Variants in NLGN1 observed in about 807,000 individuals in gnomAD.
NLGN1 encodes the protein neuroligin-1.
NLGN1 carries 12 observed loss-of-function variants against 65.5 expected under a neutral mutation model. The ratio of observed to expected loss-of-function variants is 0.18; its 90% CI spans 0.12 to 0.30. The LOEUF is 0.30. Among genes scored for constraint, NLGN1 ranks in the 10% least tolerant of loss-of-function variants. The pLI is 1.00. For missense variants in NLGN1, 750 were observed against 1,007.1 expected, an observed-to-expected ratio of 0.74 and a Z score of 3.46; for synonymous variants, 350 against 359.5, an observed-to-expected ratio of 0.97 and a Z score of 0.30.
At chr3:173,945,226 G>A (rs1226275268) in intron 4 of NLGN1, among the ~76,000 whole-genome samples, 1 of 151,890 alleles carries the variant, frequency 6.6e-6, no homozygotes, top group Non-Finnish European at 1.5e-5. Context: ...TAGAGGGGGT[G>A]GTGGGAACAG....
intron 1 of NLGN1, among the ~76,000 whole-genome samples, chr3:173,407,607 G>T (rs763107159): frequency 5.9e-5 from 9 of 152,146 alleles, no homozygotes; most frequent in African/African-American, 2.2e-4. Context: ...AGTGGAGGAG[G>T]TATTATTTAA....
At chr3:174,048,072 G>A (rs1734010883) in intron 4 of NLGN1, among the ~76,000 whole-genome samples, 1 of 152,054 alleles carries the variant, frequency 6.6e-6, no homozygotes, top group African/African-American at 2.4e-5. Context: ...GGACTTATCT[G>A]TCCTCCATAC....
intron 4 of NLGN1, among the ~76,000 whole-genome samples, chr3:174,163,197 C>A (rs7652593): frequency 0.17 from 26,382 of 151,810 alleles, 4,823 homozygotes; most frequent in African/African-American, 0.46. Flanking sequence ...TCTAAGAATA[C>A]GAGCATCAAC....
intron 4 of NLGN1, among the ~76,000 whole-genome samples, chr3:174,150,214 A>G (rs1393248395): frequency 6.6e-6 from 1 of 152,100 alleles, no homozygotes; most frequent in Non-Finnish European, 1.5e-5. Context: ...AGTGGGCATT[A>G]TTAATATTTT....
intron 4 of NLGN1, among the ~76,000 whole-genome samples, chr3:173,840,393 G>A (rs1308177587): frequency 2.0e-5 from 3 of 152,194 alleles, no homozygotes; most frequent in Non-Finnish European, 4.4e-5. Flanking sequence ...GAGTTTTCAA[G>A]TATTTCCAAG....
chr3:174,281,963 C>T (rs568799931), exon 7 of NLGN1: 9 of 152,252 alleles, frequency 5.9e-5, no homozygotes, highest in African/African-American at 1.7e-4. Context: ...CTGATTAAGC[C>T]GTAATTAAAA....
intron 2 of NLGN1, among the ~76,000 whole-genome samples, chr3:173,529,729 TA>T (rs1255754637): frequency 6.6e-6 from 1 of 152,114 alleles, no homozygotes; most frequent in Non-Finnish European, 1.5e-5. Flanking sequence ...TTCCACCCAA[TA>T]AAGACGGCTT....
Position 174,279,704 on chromosome 3 carries a change from T to C in NLGN1, c.1649+54T>C. On this transcript the variant is annotated intron_variant, in intron 6 of 6. Coordinates refer to ENST00000457714, the Ensembl canonical transcript of NLGN1. This position sits in a 1 kb window ranked among gnomAD's most constrained non-coding sequence, Gnocchi z 4.7. ...TTAATAAAAATGTTATTTTAACCAT[T>C]TTAAAATAATAGATATTTATGCCCA... is the stretch of plus-strand genomic sequence containing the variant. The C allele has an allele frequency of 9.4e-7, 1 of 1,060,780 alleles. No homozygotes were observed. Among genetic ancestry groups the C allele is most frequent in the Non-Finnish European group, 1.4e-6 (1 of 731,300 alleles). The allele number at this position is 1,060,780 out of a possible 1,614,324, so 65.7% of individuals were successfully genotyped here. A position where few individuals can be genotyped will look rare whatever the true frequency, so the allele number is the denominator to read the frequency against.
At position 173,796,603 on chromosome 3, in the gene NLGN1, T is replaced by TTTA. The variant is rs535983705; in HGVS notation, c.494-11077_494-11076insTTA. Among the ~76,000 whole-genome samples, 13 of 152,192 alleles carry TTTA rather than the reference T, an allele frequency of 8.5e-5. No individual in the cohort carries two copies. The South Asian group carries it at 2.7e-3, about 32-fold the overall frequency. On this transcript the variant is annotated intron_variant, in intron 3 of 6. Coordinates refer to ENST00000457714, the Ensembl canonical transcript of NLGN1. ...AGGTCTACTCTCCTATTAACTCTAA[T>TTTA]GAGAGTTATGTGTGTGTTCCTCAGG...
chr3:173,558,457 A>G (rs1742094114), intron 2 of NLGN1, among the ~76,000 whole-genome samples: 1 of 152,086 alleles, frequency 6.6e-6, no homozygotes. Flanking sequence ...CTTACATGCT[A>G]AAGTAGTTAA....
At chr3:173,452,846 T>A (rs539892503) in intron 2 of NLGN1, among the ~76,000 whole-genome samples, 1 of 152,312 alleles carries the variant, frequency 6.6e-6, no homozygotes, top group South Asian at 2.1e-4. Flanking sequence ...CCACAGACAT[T>A]TTTTGGTTTC....
At chr3:173,850,796 G>A (rs563265116) in intron 4 of NLGN1, among the ~76,000 whole-genome samples, 7 of 152,134 alleles carry the variant, frequency 4.6e-5, no homozygotes, top group Admixed American at 2.0e-4. Context: ...GAGTGCAGTG[G>A]CACAATCATG....
intron 4 of NLGN1, among the ~76,000 whole-genome samples, chr3:173,924,993 G>T (rs888366072): frequency 7.9e-5 from 12 of 152,126 alleles, no homozygotes; most frequent in Middle Eastern, 6.9e-3. Context: ...TTTTGGTTTT[G>T]CCTATGGATA....
At chr3:173,970,787 G>A (rs1302272260) in intron 4 of NLGN1, among the ~76,000 whole-genome samples, 1 of 152,132 alleles carries the variant, frequency 6.6e-6, no homozygotes, top group Non-Finnish European at 1.5e-5. Context: ...CATCGTTACT[G>A]TGCAGTAAAG....
chr3:174,279,684 A>T lies in NLGN1; in HGVS notation c.1649+34A>T. ...CTAAGGAATGAAGTTTATTTTTAAT[A>T]AAAATGTTATTTTAACCATTTTAAA... On this transcript the variant is annotated intron_variant, in intron 6 of 6. Coordinates refer to ENST00000457714, the Ensembl canonical transcript of NLGN1. The surrounding 1 kb of genome is among the most constrained non-coding windows in gnomAD (Gnocchi z 4.7). The T allele has an allele frequency of 7.7e-7, 1 of 1,303,790 alleles. No homozygotes were observed. Among genetic ancestry groups the T allele is most frequent in the Non-Finnish European group, 1.1e-6 (1 of 938,868 alleles). The allele number at this position is 1,303,790 out of a possible 1,614,324, so 80.8% of individuals were successfully genotyped here.
chr3:173,965,170 A>T lies in NLGN1; in HGVS notation c.646+157338A>T, dbSNP rs896616655. On this transcript the variant is annotated intron_variant, in intron 4 of 6. Transcript: ENST00000457714. ...TGAAAATTATAATGCAGAGTTAAAG[A>T]TCTAAATAATCCTACAGAGTAGAAG... 7.9e-5 allele frequency among the ~76,000 whole-genome samples: 12 copies of T among 152,212 alleles called. No individual in the cohort carries two copies. In the South Asian group the frequency reaches 2.5e-3, roughly 32 times the overall value.
At chr3:173,745,651 A>G (rs1458970458) in intron 3 of NLGN1, among the ~76,000 whole-genome samples, 1 of 152,002 alleles carries the variant, frequency 6.6e-6, no homozygotes, top group Non-Finnish European at 1.5e-5. Flanking sequence ...TATAGATGAG[A>G]TTATATGGCT....
chr3:174,052,326 A>G (rs1482931806), intron 4 of NLGN1, among the ~76,000 whole-genome samples: 3 of 151,990 alleles, frequency 2.0e-5, no homozygotes, highest in African/African-American at 7.2e-5. Flanking sequence ...TACTTTTTTT[A>G]TAAGAATATT....
Position 174,280,607 on chromosome 3 carries a change from A to G in NLGN1, c.1776A>G (p.Pro592=). The change falls in exon 7 of 7, where the codon CCA becomes CCG. Residue 592 remains proline (P), a synonymous_variant. Coordinates refer to ENST00000457714, the Ensembl canonical transcript of NLGN1. The surrounding 1 kb of genome is among the most constrained non-coding windows in gnomAD (Gnocchi z 4.9). Reference sequence around the variant, plus strand: ...TTTATCTCCATATTGGATTAAAACCAAGAGTTAAAGAACATTACAGAGCCA... The same window carrying G: ...TTTATCTCCATATTGGATTAAAACCGAGAGTTAAAGAACATTACAGAGCCA... The G allele has an allele frequency of 6.2e-7, 1 of 1,613,250 alleles. No individual in the cohort carries two copies. Among genetic ancestry groups the G allele is most frequent in the South Asian group, 1.1e-5 (1 of 91,078 alleles).
Sources: allele counts gnomAD v4.1 joint callset (sites outside exome capture counted in the v4.1 genomes callset), GRCh38; gene constraint gnomAD v4.1.1; non-coding constraint Gnocchi (gnomAD v3.1); transcripts MANE v1.5; gene names NCBI Gene and HGNC (gene_info 2026-07-23, HGNC 2026-07-21).